Variants in EXOC1 observed in about 807,000 individuals in gnomAD.
EXOC1 encodes exocyst complex component 1, also known as SEC3-like 1.
EXOC1 carries 67 observed loss-of-function variants against 107.7 expected under a neutral mutation model. The ratio of observed to expected loss-of-function variants is 0.62; its 90% CI spans 0.51 to 0.76. The LOEUF is 0.76. Ranked by LOEUF, EXOC1 falls within the 30% of genes least tolerant of loss-of-function variation. The probability of loss-of-function intolerance (pLI) is 0.00; values close to 1 mark genes in which losing one functional copy is unlikely to be tolerated. For missense variants in EXOC1, 833 were observed against 1,055.7 expected, an observed-to-expected ratio of 0.79 and a Z score of 2.92; for synonymous variants, 348 against 353.5, an observed-to-expected ratio of 0.98 and a Z score of 0.17.
intron 13 of EXOC1, 105 bp from the exon 14 acceptor site, chr4:55,892,530 T>A: frequency 1.2e-6 from 1 of 828,106 alleles, no homozygotes; most frequent in Non-Finnish European, 2.0e-6. Flanking sequence ...TTTTTCATAA[T>A]GTATTCTTTC....
chr4:55,897,279 A>C (rs974920641), intron 16 of EXOC1, among the ~76,000 whole-genome samples: 1 of 152,008 alleles, frequency 6.6e-6, no homozygotes, highest in East Asian at 1.9e-4. Flanking sequence ...GGTGCACCCT[A>C]CCATGCCCTG....
At chr4:55,880,932 T>G (rs1473954033) in intron 9 of EXOC1, among the ~76,000 whole-genome samples, 1 of 152,104 alleles carries the variant, frequency 6.6e-6, no homozygotes, top group African/African-American at 2.4e-5. Context: ...AAACAGGAAT[T>G]TTAAGGAAGA....
In EXOC1 at chr4:55,904,705, A is replaced by C; in HGVS notation, c.*210A>C. 2.5e-6 allele frequency: 1 copy of C among 392,556 alleles called. No homozygotes were observed. The highest frequency in any genetic ancestry group is 4.4e-6 in the Non-Finnish European group (1 of 226,378). The allele number at this position is 392,556 out of a possible 1,614,324, so 24.3% of individuals were successfully genotyped here. The stretch of plus-strand genomic sequence containing the variant: ...TTATTTGCCCTATAGGTTGCATACT[A>C]ACTTAAGCATTCATGTCACCATAAA... On this transcript the variant is annotated 3_prime_UTR_variant, in exon 19 of 19. Transcript: ENST00000381295.
chr4:55,903,882 T>C (rs186930942), intron 18 of EXOC1, among the ~76,000 whole-genome samples: 1 of 152,262 alleles, frequency 6.6e-6, no homozygotes, highest in East Asian at 1.9e-4. Context: ...GCATCAACAA[T>C]TTTAGATAAA....
chr4:55,894,207 T>G (rs1947130), intron 15 of EXOC1, among the ~76,000 whole-genome samples: 6 of 151,644 alleles, frequency 4.0e-5, no homozygotes, highest in African/African-American at 1.2e-4. Flanking sequence ...TGCCTATAAT[T>G]CCAACTACTC....
intron 3 of EXOC1, among the ~76,000 whole-genome samples, chr4:55,863,813 G>A (rs185692510): frequency 1.8e-4 from 27 of 152,232 alleles, no homozygotes; most frequent in East Asian, 7.7e-4. Flanking sequence ...GGGAGTTAGT[G>A]TCCAATTACA....
chr4:55,860,952 G>T lies in EXOC1; in HGVS notation c.255+411G>T, dbSNP rs1428056808. Among the ~76,000 whole-genome samples, 71 of 145,688 alleles carry T rather than the reference G, an allele frequency of 4.9e-4. 1 individual carries two copies. Among genetic ancestry groups the T allele is most frequent in the Admixed American group, 2.4e-3 (35 of 14,664 alleles). ...TGAGGCCACCATGGCTTTGATGTTT[G>T]TGGATCAAAAAAAAAAAAAAAGAAA... On this transcript the variant is annotated intron_variant, in intron 3 of 18. Transcript: ENST00000381295.
intron 17 of EXOC1, among the ~76,000 whole-genome samples, chr4:55,901,362 A>T (rs961845653): frequency 2.0e-5 from 3 of 152,184 alleles, no homozygotes; most frequent in African/African-American, 7.2e-5. Flanking sequence ...TGATAATTTA[A>T]TGAATAATCA....
intron 17 of EXOC1, 116 bp from the exon 18 acceptor site, chr4:55,902,228 A>G: frequency 3.0e-6 from 2 of 670,750 alleles, no homozygotes; most frequent in Non-Finnish European, 4.4e-6. Context: ...TATTGTTTAT[A>G]CTTTCACACA....
At chr4:55,886,037 A>G (rs1400048406) in intron 10 of EXOC1, among the ~76,000 whole-genome samples, 1 of 152,196 alleles carries the variant, frequency 6.6e-6, no homozygotes, top group Non-Finnish European at 1.5e-5. Context: ...TCAAGTACCC[A>G]TAGCCATTCT....
At chr4:55,888,235 T>C (rs1257963934) in intron 10 of EXOC1, among the ~76,000 whole-genome samples, 1 of 152,178 alleles carries the variant, frequency 6.6e-6, no homozygotes, top group Non-Finnish European at 1.5e-5. Flanking sequence ...CAAATTCTTA[T>C]ATTACATCTG....
In EXOC1 at chr4:55,870,662, G is replaced by A. The variant is rs1248550587; in HGVS notation, c.604-16G>A. ...TTTGTTTGTTTGTTTGTTTGTTTTG[G>A]TCTTTAACTTTGTAGGCTAACATCC... On this transcript the variant is annotated splice_polypyrimidine_tract_variant and intron_variant, in intron 5 of 18. Transcript: ENST00000381295. 11 of 1,438,170 alleles carry A rather than the reference G, an allele frequency of 7.6e-6. No homozygotes were observed. In the Admixed American group the frequency reaches 2.0e-4, roughly 27 times the overall value. The allele number at this position is 1,438,170 out of a possible 1,614,324, so 89.1% of individuals were successfully genotyped here.
intron 10 of EXOC1, chr4:55,888,665 G>A (rs952194395): frequency 4.2e-5 from 21 of 498,694 alleles, no homozygotes; most frequent in African/African-American, 2.4e-4. Flanking sequence ...GAATATTTGA[G>A]TAAAAACAAT....
chr4:55,854,179 C>T (rs1720731683), intron 1 of EXOC1, among the ~76,000 whole-genome samples: 1 of 128,646 alleles, frequency 7.8e-6, no homozygotes, highest in Non-Finnish European at 1.7e-5. Context: ...GGCCCCCCAA[C>T]CCCAACTCCC....
intron 10 of EXOC1, chr4:55,885,616 A>G (rs1174241527): frequency 2.6e-5 from 4 of 152,204 alleles, no homozygotes; most frequent in African/African-American, 9.6e-5. Context: ...AGCAGCACAT[A>G]TACTAAAATT....
At chr4:55,888,433 G>A (rs1405480106) in intron 10 of EXOC1, among the ~76,000 whole-genome samples, 4 of 152,226 alleles carry the variant, frequency 2.6e-5, no homozygotes, top group Non-Finnish European at 4.4e-5. Context: ...TATTTAGTCA[G>A]TGGAGAATCC....
rs1242694542 is a variant in EXOC1, at chr4:55,860,540, A to G, written c.254A>G (p.Lys85Arg). ...GTGGTAGATGCCAAAGATGCTATCA[A>G]AGTAGGTTTTTCTCAGTTCTTTGAC... ...LAVVDAKDAI[K>R]ENPEFDLHFE... is the part of the protein sequence containing the mutation. The change falls in exon 3 of 19, where the codon AAA (lysine) becomes AGA (arginine). Residue 85 changes from lysine to arginine, a missense_variant and splice_region_variant. Transcript: ENST00000381295. 4 of 1,613,670 alleles carry G rather than the reference A, an allele frequency of 2.5e-6. No individual in the cohort carries two copies. The African/African-American group carries it at 5.3e-5, about 22-fold the overall frequency.
At chr4:55,877,853 C>T in intron 8 of EXOC1, 64 bp from the exon 9 acceptor site, 1 of 1,590,412 alleles carries the variant, frequency 6.3e-7, no homozygotes, top group Admixed American at 1.8e-5. Flanking sequence ...ATTGTTTAGA[C>T]TTTTTATTGT....
intron 13 of EXOC1, among the ~76,000 whole-genome samples, chr4:55,891,760 T>TA (rs1724572733): frequency 7.0e-6 from 1 of 143,082 alleles, no homozygotes; most frequent in Admixed American, 6.7e-5. Flanking sequence ...TCAAGATAAA[T>TA]ATAATGTTTT....
Sources: gnomAD v4.1 joint callset for allele counts (sites outside exome capture counted in the v4.1 genomes callset) on GRCh38, gnomAD v4.1.1 for gene constraint, MANE v1.5 for transcripts, NCBI Gene and HGNC (gene_info 2026-07-23, HGNC 2026-07-21) for gene names.